Variants in NEK5 observed in about 807,000 individuals in gnomAD.
NEK5 encodes NIMA related kinase 5.
NEK5 carries 88 observed loss-of-function variants against 109.2 expected under a neutral mutation model. That is an observed-to-expected ratio of 0.81 (90% CI 0.68 to 0.96). The LOEUF is 0.96. Among genes scored for constraint, NEK5 ranks in the 40% least tolerant of loss-of-function variants. NEK5 has a pLI of 0.00. For missense variants in NEK5, 834 were observed against 920.7 expected, an observed-to-expected ratio of 0.91 and a Z score of 1.22; for synonymous variants, 283 against 299.9, an observed-to-expected ratio of 0.94 and a Z score of 0.58.
intron 20 of NEK5, among the ~76,000 whole-genome samples, chr13:52,070,539 G>C (rs1400185311): frequency 1.3e-5 from 2 of 152,154 alleles, no homozygotes; most frequent in African/African-American, 4.8e-5. Context: ...AAAAAGAGGA[G>C]TTCCTCTGCA....
At chr13:52,066,803 C>CA (rs60602057) in intron 20 of NEK5, among the ~76,000 whole-genome samples, 1,845 of 110,200 alleles carry the variant, frequency 0.017, 21 homozygotes, top group African/African-American at 0.037. Context: ...GACGCTGTCT[C>CA]AAAAAAAAAA....
At chr13:52,076,345 C>A (rs1450954326) in intron 17 of NEK5, among the ~76,000 whole-genome samples, 1 of 152,244 alleles carries the variant, frequency 6.6e-6, no homozygotes, top group Non-Finnish European at 1.5e-5. Flanking sequence ...GGGTGGAATT[C>A]TATAATGTGA....
chr13:52,092,793 C>T (rs1021800758), intron 13 of NEK5, among the ~76,000 whole-genome samples: 1 of 151,952 alleles, frequency 6.6e-6, no homozygotes, highest in Non-Finnish European at 1.5e-5. Context: ...GGCCGAGGCA[C>T]GAGAATCGCT....
rs550208127 is a variant in NEK5 at position 52,065,268 on chromosome 13, T to G, written c.1975+216A>C. 3.8e-4 allele frequency: 249 copies of G among 647,220 alleles called. 1 individual carries two copies. The African/African-American group carries it at 4.1e-3, about 11-fold the overall frequency. The allele number at this position is 647,220 out of a possible 1,614,324, so 40.1% of individuals were successfully genotyped here. ...GGTGGCATCCTGGATTTTTCCTCCT[T>G]TATATGTGCATGTCTAGAGTGGTCA... is the stretch of plus-strand genomic sequence containing the variant. On this transcript the variant is annotated intron_variant, in intron 21 of 23. Transcript: ENST00000684899.
At chr13:52,099,903 CA>C (rs755031730) in intron 11 of NEK5, 27 bp from the exon 12 acceptor site, 1 of 1,589,846 alleles carries the variant, frequency 6.3e-7, no homozygotes, top group Non-Finnish European at 8.6e-7. Flanking sequence ...AAAACAGCTT[CA>C]ATTTTTTAAA....
intron 19 of NEK5, among the ~76,000 whole-genome samples, chr13:52,073,620 G>A (rs1333514543): frequency 6.6e-6 from 1 of 151,832 alleles, no homozygotes; most frequent in Non-Finnish European, 1.5e-5. Context: ...CTGGCCTTGA[G>A]CACCAAACAT....
chr13:52,051,439 G>C (rs1954505452), intron 22 of NEK5, among the ~76,000 whole-genome samples: 1 of 152,136 alleles, frequency 6.6e-6, no homozygotes, highest in South Asian at 2.1e-4. Context: ...TCCCTCCTTA[G>C]GTTGGTCTGT....
chr13:52,127,345 G>A lies in NEK5; in HGVS notation c.117+21C>T, dbSNP rs752003124. On this transcript the variant is annotated intron_variant, in intron 3 of 23. Coordinates refer to ENST00000684899, the MANE Select transcript of NEK5 (RefSeq NM_001365552.1). ...CTGAATATCCCACTGAAAATTAACA[G>A]AAATTTGAACTTAACTTTACCTTTT... 4.2e-6 allele frequency: 5 copies of A among 1,179,290 alleles called. No homozygotes were observed. The African/African-American group carries it at 9.6e-5, about 23-fold the overall frequency. 73.1% of individuals were successfully genotyped at this position (1,179,290 alleles called of 1,614,324 possible).
Position 52,053,612 on chromosome 13 carries a change from T to C in NEK5, c.2111-3391A>G, listed in dbSNP as rs914555695. The stretch of plus-strand genomic sequence containing the variant: ...GACAATCCAGATGCATATGAAATTC[T>C]CCCCCACCAGGAACTTCAAGGCTGC... On this transcript the variant is annotated intron_variant, in intron 22 of 23. Transcript: ENST00000684899. Among the ~76,000 whole-genome samples, 8 of 152,164 alleles carry C rather than the reference T, an allele frequency of 5.3e-5. No individual in the cohort carries two copies. The East Asian group carries it at 7.7e-4, about 15-fold the overall frequency.
At chr13:52,082,588 CTT>C (rs887567732) in intron 17 of NEK5, among the ~76,000 whole-genome samples, 8 of 152,138 alleles carry the variant, frequency 5.3e-5, no homozygotes, top group Non-Finnish European at 1.2e-4. Context: ...AAAAAACTCT[CTT>C]GAGATTTATT....
chr13:52,060,234 A>T (rs1202767009), intron 22 of NEK5, among the ~76,000 whole-genome samples: 2 of 145,772 alleles, frequency 1.4e-5, no homozygotes, highest in Non-Finnish European at 3.1e-5. Flanking sequence ...TGTTCCACAT[A>T]AAAAAATTCC....
intron 4 of NEK5, among the ~76,000 whole-genome samples, chr13:52,114,886 A>G (rs1335067030): frequency 6.6e-6 from 1 of 152,224 alleles, no homozygotes; most frequent in Non-Finnish European, 1.5e-5. Context: ...CCATGGAAGA[A>G]TCAGAATAAT....
Position 52,089,039 on chromosome 13 carries a change from C to G in NEK5, c.1275+208G>C, listed in dbSNP as rs545954135. Among the ~76,000 whole-genome samples, 4 of 151,774 alleles carry G rather than the reference C, an allele frequency of 2.6e-5. No individual in the cohort carries two copies. The East Asian group carries it at 5.8e-4, about 22-fold the overall frequency. On this transcript the variant is annotated intron_variant, in intron 14 of 23. Transcript: ENST00000684899. ...CTGGGAGGCAGAGGTTGCAGTGAGC[C>G]AAGATCACACCACTGCACTCCAGCC... is the stretch of plus-strand genomic sequence containing the variant.
chr13:52,045,135 T>C (rs913598441), intron 23 of NEK5, among the ~76,000 whole-genome samples: 2 of 143,994 alleles, frequency 1.4e-5, no homozygotes, highest in African/African-American at 5.1e-5. Context: ...AAAATCTTTT[T>C]TTTTTTTTTT....
chr13:52,049,424 A>AAAT (rs545167509), intron 23 of NEK5, among the ~76,000 whole-genome samples: 70 of 151,550 alleles, frequency 4.6e-4, no homozygotes, highest in East Asian at 1.4e-3. Flanking sequence ...GCTCTGTCTC[A>AAAT]AATAATAATA....
chr13:52,121,854 C>T (rs577343963), intron 3 of NEK5, among the ~76,000 whole-genome samples: 2 of 151,310 alleles, frequency 1.3e-5, no homozygotes, highest in East Asian at 1.9e-4. Context: ...GCTATTGAAT[C>T]GTAGCCAAAA....
In NEK5 at chr13:52,090,040, C is replaced by T. The variant is rs149235881; in HGVS notation, c.1209-727G>A. ...GTTTCCTGCACCACATACTGAGCTCCCTGAGAGCAGAATGTGTCCCTCCAT... is the reference window on the plus strand; with the variant it reads ...GTTTCCTGCACCACATACTGAGCTCTCTGAGAGCAGAATGTGTCCCTCCAT... On this transcript the variant is annotated intron_variant, in intron 13 of 23. Transcript: ENST00000684899. 2.6e-3 allele frequency among the ~76,000 whole-genome samples: 398 copies of T among 152,206 alleles called. 4 individuals carry two copies. The highest frequency in any genetic ancestry group is 4.1e-3 in the Admixed American group (62 of 15,286).
At chr13:52,101,335 G>C (rs1276906780) in intron 11 of NEK5, among the ~76,000 whole-genome samples, 2 of 152,230 alleles carry the variant, frequency 1.3e-5, no homozygotes, top group East Asian at 1.9e-4. Flanking sequence ...GGGAGGTGGA[G>C]TTTGCAGTGA....
chr13:52,060,907 C>T (rs1181666092), intron 22 of NEK5, among the ~76,000 whole-genome samples: 2 of 152,058 alleles, frequency 1.3e-5, no homozygotes, highest in Non-Finnish European at 2.9e-5. Flanking sequence ...CTCTGTCAGC[C>T]AGGCTGGAGA....
Sources: gnomAD v4.1 joint callset for allele counts (sites outside exome capture counted in the v4.1 genomes callset) on GRCh38, gnomAD v4.1.1 for gene constraint, MANE v1.5 for transcripts, NCBI Gene and HGNC (gene_info 2026-07-23, HGNC 2026-07-21) for gene names.